The following MCCC1 variants were observed in gnomAD, a reference collection of about 807,000 sequenced individuals.
The protein encoded by MCCC1 is methylcrotonyl-CoA carboxylase subunit 1, also known as methylcrotonoyl-CoA carboxylase subunit alpha, mitochondrial.
A neutral mutation model predicts 83.8 loss-of-function variants in MCCC1; 64 were observed. The observed-to-expected ratio is 0.76, with a 90% confidence interval of 0.62 to 0.94. The LOEUF (loss-of-function observed/expected upper bound fraction) is 0.94. Among genes scored for constraint, MCCC1 ranks in the 40% least tolerant of loss-of-function variants. MCCC1 has a pLI of 0.00. For synonymous variants in MCCC1, 322 were observed against 315.4 expected, an observed-to-expected ratio of 1.02 and a Z score of -0.22; for missense variants, 807 against 904.7, an observed-to-expected ratio of 0.89 and a Z score of 1.39.
At chr3:183,021,503 A>T (rs1430194530) in intron 16 of MCCC1, among the ~76,000 whole-genome samples, 14 of 152,204 alleles carry the variant, frequency 9.2e-5, no homozygotes, top group Admixed American at 9.2e-4. Context: ...TACAGGCACA[A>T]GCCACTGCAC....
chr3:183,034,828 A>ATC (rs1713432220), intron 13 of MCCC1, among the ~76,000 whole-genome samples: 1 of 147,300 alleles, frequency 6.8e-6, no homozygotes, highest in African/African-American at 2.5e-5. Context: ...CCCAGGATGG[A>ATC]GTGCAGTGGC....
chr3:183,103,827 A>C (rs1719360826), upstream of MCCC1, among the ~76,000 whole-genome samples: 3 of 152,172 alleles, frequency 2.0e-5, no homozygotes, highest in South Asian at 4.1e-4. Flanking sequence ...CTCGGGCCGC[A>C]CAAGAGCCCA....
At chr3:183,098,323 C>G (rs1332090931) in intron 1 of MCCC1, among the ~76,000 whole-genome samples, 1 of 152,218 alleles carries the variant, frequency 6.6e-6, no homozygotes, top group African/African-American at 2.4e-5. Context: ...TAAAAGCAAG[C>G]AAACGTTCAT....
intron 1 of MCCC1, among the ~76,000 whole-genome samples, chr3:183,097,440 T>G (rs1718822954): frequency 6.6e-6 from 1 of 152,234 alleles, no homozygotes; most frequent in Admixed American, 6.5e-5. Flanking sequence ...TCACCCAGGA[T>G]GGAGTACAGT....
intron 3 of MCCC1, among the ~76,000 whole-genome samples, chr3:183,088,484 G>A (rs1718078825): frequency 6.6e-6 from 1 of 152,308 alleles, no homozygotes; most frequent in Middle Eastern, 3.4e-3. Context: ...TGGGATTACA[G>A]GCGTGAGCCA....
At chr3:183,016,588 G>A (rs1711645094) in intron 18 of MCCC1, among the ~76,000 whole-genome samples, 1 of 152,132 alleles carries the variant, frequency 6.6e-6, no homozygotes, top group South Asian at 2.1e-4. Context: ...AATGGGTCTG[G>A]GGAAGAATTT....
intron 1 of MCCC1, 109 bp from the exon 2 acceptor site, chr3:183,094,714 G>A (rs1718614836): frequency 6.5e-6 from 7 of 1,072,282 alleles, no homozygotes; most frequent in South Asian, 5.2e-5. Flanking sequence ...CCAACTAACA[G>A]TGCTTTAGTA....
chr3:183,095,645 T>C (rs1253193087), intron 1 of MCCC1, among the ~76,000 whole-genome samples: 1 of 152,172 alleles, frequency 6.6e-6, no homozygotes, highest in Non-Finnish European at 1.5e-5. Context: ...AGGTTGAGCT[T>C]TGGAAAGCCG....
chr3:183,086,314 AC>A (rs762759039), intron 4 of MCCC1, among the ~76,000 whole-genome samples: 16 of 152,132 alleles, frequency 1.1e-4, no homozygotes, highest in Admixed American at 2.0e-4. Context: ...CTAGAATGAG[AC>A]TGGGAAGTTG....
rs112315417 is a variant in MCCC1 at position 183,017,044 on chromosome 3, C to A, written c.2049+222G>T. On this transcript the variant is annotated intron_variant, in intron 18 of 18. Coordinates refer to ENST00000265594, the MANE Select transcript of MCCC1 (RefSeq NM_020166.5). ...CCTGATTCCAAGCTATTGATAATTTCATTAATTTCAGAATCAGAAATGACA... is the reference window on the plus strand; with the variant it reads ...CCTGATTCCAAGCTATTGATAATTTAATTAATTTCAGAATCAGAAATGACA... The A allele has an allele frequency of 3.0e-5, 17 of 572,542 alleles. No homozygotes were observed. The African/African-American group carries it at 3.0e-4, about 10-fold the overall frequency. 35.5% of individuals were successfully genotyped at this position (572,542 alleles called of 1,614,324 possible). A position where few individuals can be genotyped will look rare whatever the true frequency, so the allele number is the denominator to read the frequency against.
At chr3:183,075,583 C>T (rs1015120338) in intron 4 of MCCC1, among the ~76,000 whole-genome samples, 3 of 147,602 alleles carry the variant, frequency 2.0e-5, no homozygotes, top group African/African-American at 7.5e-5. Flanking sequence ...CTCTGTCACC[C>T]AGGCTAGAGT....
chr3:183,111,695 AC>A (rs1417596379), intron 1 of MCCC1, among the ~76,000 whole-genome samples: 2 of 152,220 alleles, frequency 1.3e-5, no homozygotes, highest in Admixed American at 6.5e-5. Flanking sequence ...AGGGCTGTTA[AC>A]CCAGACTTTG....
At chr3:183,070,456 C>T (rs1577327135) in intron 7 of MCCC1, among the ~76,000 whole-genome samples, 1 of 152,238 alleles carries the variant, frequency 6.6e-6, no homozygotes, top group African/African-American at 2.4e-5. Flanking sequence ...ATTCACTGGC[C>T]GGGCACAGTG....
At chr3:183,060,242 T>C (rs1715721077) in intron 7 of MCCC1, among the ~76,000 whole-genome samples, 1 of 152,236 alleles carries the variant, frequency 6.6e-6, no homozygotes, top group African/African-American at 2.4e-5. Context: ...TTTGTTGTTG[T>C]TGTTGTTCAC....
chr3:183,098,406 AATTC>A (rs1365401630), intron 1 of MCCC1: 1 of 152,240 alleles, frequency 6.6e-6, no homozygotes. Context: ...TCCATGAATT[AATTC>A]ATTTAGTTTT....
chr3:183,109,038 C>G (rs1000836937), intron 1 of MCCC1, among the ~76,000 whole-genome samples: 1 of 152,156 alleles, frequency 6.6e-6, no homozygotes, highest in Admixed American at 6.5e-5. Flanking sequence ...GTTGCCCAAG[C>G]TGGAGTGCAG....
intron 7 of MCCC1, among the ~76,000 whole-genome samples, chr3:183,068,078 T>A (rs1716388334): frequency 6.6e-6 from 1 of 152,112 alleles, no homozygotes; most frequent in African/African-American, 2.4e-5. Context: ...TGGATCTTTG[T>A]CCCTCTGCAA....
At chr3:183,053,203 G>A (rs1279892363) in intron 8 of MCCC1, among the ~76,000 whole-genome samples, 1 of 152,116 alleles carries the variant, frequency 6.6e-6, no homozygotes, top group Non-Finnish European at 1.5e-5. Context: ...GGGTGTGGTG[G>A]CTCACCCCTG....
intron 3 of MCCC1, among the ~76,000 whole-genome samples, chr3:183,090,668 C>T (rs1407385052): frequency 6.6e-6 from 1 of 151,992 alleles, no homozygotes; most frequent in Non-Finnish European, 1.5e-5. Flanking sequence ...CAGCTCACTG[C>T]AACCTCCGCC....
Sources: gnomAD v4.1 joint callset for allele counts (sites outside exome capture counted in the v4.1 genomes callset) on GRCh38, gnomAD v4.1.1 for gene constraint, MANE v1.5 for transcripts, NCBI Gene and HGNC (gene_info 2026-07-23, HGNC 2026-07-21) for gene names.